Variants in MDGA2 observed in about 807,000 individuals in gnomAD.
MDGA2 encodes the protein MAM domain containing glycosylphosphatidylinositol anchor 2.
Under a neutral mutation model 117.8 loss-of-function variants are expected in MDGA2, and 40 were observed. The ratio of observed to expected loss-of-function variants is 0.34; its 90% CI spans 0.26 to 0.44. The LOEUF (loss-of-function observed/expected upper bound fraction) is 0.44. Ranked by LOEUF, MDGA2 falls within the 20% of genes least tolerant of loss-of-function variation. MDGA2 has a pLI of 1.00. For missense variants in MDGA2, 1,123 were observed against 1,250.6 expected, an observed-to-expected ratio of 0.90 and a Z score of 1.54; for synonymous variants, 452 against 439.0, an observed-to-expected ratio of 1.03 and a Z score of -0.37.
At chr14:47,134,882 C>T (rs568257853) in intron 4 of MDGA2, among the ~76,000 whole-genome samples, 103 of 151,780 alleles carry the variant, frequency 6.8e-4, no homozygotes, top group African/African-American at 2.4e-3. Context: ...AAAGCAACCA[C>T]GGAGTGATAA....
At chr14:46,984,601 G>T (rs1373231091) in intron 8 of MDGA2, among the ~76,000 whole-genome samples, 2 of 151,662 alleles carry the variant, frequency 1.3e-5, no homozygotes, top group African/African-American at 2.4e-5. Flanking sequence ...TACTTACCTT[G>T]TCCATCAATT....
At chr14:47,409,227 A>G (rs1892322637) in intron 1 of MDGA2, among the ~76,000 whole-genome samples, 1 of 152,250 alleles carries the variant, frequency 6.6e-6, no homozygotes, top group Non-Finnish European at 1.5e-5. Context: ...CGTTATGGGA[A>G]GAAGCCAAGA....
At chr14:47,386,490 A>C (rs997012857) in intron 1 of MDGA2, among the ~76,000 whole-genome samples, 1 of 152,214 alleles carries the variant, frequency 6.6e-6, no homozygotes, top group Non-Finnish European at 1.5e-5. Flanking sequence ...TAATCATTTC[A>C]GAAGAAATGT....
At chr14:47,356,445 G>C (rs975042828) in intron 1 of MDGA2, among the ~76,000 whole-genome samples, 2 of 152,176 alleles carry the variant, frequency 1.3e-5, no homozygotes, top group Non-Finnish European at 2.9e-5. Flanking sequence ...TGGGAGGCCA[G>C]TGCAATAGTA....
intron 8 of MDGA2, among the ~76,000 whole-genome samples, chr14:46,958,149 T>G (rs1037005478): frequency 2.6e-5 from 4 of 152,176 alleles, no homozygotes; most frequent in African/African-American, 4.8e-5. Context: ...TGAATGACAC[T>G]ATGAGAGTTG....
chr14:46,996,692 A>G (rs766816037), intron 8 of MDGA2: 2 of 155,812 alleles, frequency 1.3e-5, no homozygotes, highest in Non-Finnish European at 2.8e-5. Context: ...AGTTGCATCA[A>G]TAGGGGCTCA....
intron 1 of MDGA2, among the ~76,000 whole-genome samples, chr14:47,416,105 G>C (rs1892470039): frequency 6.6e-6 from 1 of 152,038 alleles, no homozygotes; most frequent in Non-Finnish European, 1.5e-5. Context: ...ATTTTATCTA[G>C]CGTCAACTCA....
At chr14:47,148,283 A>G (rs1358688697) in intron 3 of MDGA2, among the ~76,000 whole-genome samples, 2 of 152,150 alleles carry the variant, frequency 1.3e-5, no homozygotes. Flanking sequence ...GCGGGAAGGA[A>G]AGCAATCCTC....
chr14:47,635,643 G>T (rs988316746), intron 1 of MDGA2, among the ~76,000 whole-genome samples: 1 of 152,048 alleles, frequency 6.6e-6, no homozygotes, highest in Non-Finnish European at 1.5e-5. Context: ...TCAATTTCTG[G>T]GTACAAAGGA....
chr14:47,262,720 G>A (rs897385443), intron 2 of MDGA2, among the ~76,000 whole-genome samples: 7 of 152,096 alleles, frequency 4.6e-5, no homozygotes, highest in Non-Finnish European at 8.8e-5. Flanking sequence ...AGACCAAAAG[G>A]TCATAATATT....
chr14:47,466,169 G>C (rs1893599941), intron 1 of MDGA2, among the ~76,000 whole-genome samples: 3 of 152,062 alleles, frequency 2.0e-5, no homozygotes, highest in Non-Finnish European at 4.4e-5. Context: ...GTGTATGTGA[G>C]GGTGGAGGGT....
At chr14:46,928,316 A>C (rs1884409094) in intron 9 of MDGA2, among the ~76,000 whole-genome samples, 1 of 152,188 alleles carries the variant, frequency 6.6e-6, no homozygotes. Flanking sequence ...AAGCATTTTT[A>C]TGATGAACAT....
chr14:47,335,310 C>T (rs1160177562), intron 1 of MDGA2, among the ~76,000 whole-genome samples: 1 of 146,340 alleles, frequency 6.8e-6, no homozygotes, highest in Non-Finnish European at 1.5e-5. Context: ...AAAAGGTTTC[C>T]GTAGGTTGAG....
intron 1 of MDGA2, among the ~76,000 whole-genome samples, chr14:47,397,702 T>C (rs532472119): frequency 6.6e-6 from 1 of 152,130 alleles, no homozygotes; most frequent in Non-Finnish European, 1.5e-5. Context: ...CATATATGAA[T>C]ACATGCAAAC....
intron 1 of MDGA2, among the ~76,000 whole-genome samples, chr14:47,421,036 G>A (rs1322839106): frequency 6.6e-6 from 1 of 152,064 alleles, no homozygotes; most frequent in Non-Finnish European, 1.5e-5. Context: ...GAATACGATA[G>A]GAAGAGTGCC....
At chr14:47,562,660 T>G (rs1895839062) in intron 1 of MDGA2, among the ~76,000 whole-genome samples, 1 of 152,162 alleles carries the variant, frequency 6.6e-6, no homozygotes, top group South Asian at 2.1e-4. Flanking sequence ...CTGTTTATCT[T>G]AATTTTCTCA....
intron 6 of MDGA2, among the ~76,000 whole-genome samples, chr14:47,094,400 G>A (rs113802526): frequency 1.9e-3 from 291 of 152,112 alleles, no homozygotes; most frequent in African/African-American, 6.6e-3. Context: ...GTTAGGTAGG[G>A]TAGAGAGGAG....
chr14:46,845,711 A>G, intron 16 of MDGA2, 55 bp downstream of exon 16: 1 of 1,042,666 alleles, frequency 9.6e-7, no homozygotes, highest in South Asian at 1.6e-5. Context: ...ATGTTAATTT[A>G]ATAGTAATGT....
chr14:47,412,017 TCA>T (rs1892383686), intron 1 of MDGA2, among the ~76,000 whole-genome samples: 1 of 152,172 alleles, frequency 6.6e-6, no homozygotes, highest in South Asian at 2.1e-4. Context: ...GTCTAAAGTC[TCA>T]CAGTCAGTAA....
Sources: gnomAD v4.1 joint callset for allele counts (sites outside exome capture counted in the v4.1 genomes callset) on GRCh38, gnomAD v4.1.1 for gene constraint, MANE v1.5 for transcripts, NCBI Gene and HGNC (gene_info 2026-07-23, HGNC 2026-07-21) for gene names.